The following PLEKHG6 variants were observed in gnomAD, a reference collection of about 807,000 sequenced individuals.
PLEKHG6 encodes pleckstrin homology domain-containing family G member 6.
A neutral mutation model predicts 97.5 loss-of-function variants in PLEKHG6; 91 were observed. That is an observed-to-expected ratio of 0.93 (90% confidence interval 0.79 to 1.11). The LOEUF (loss-of-function observed/expected upper bound fraction) is 1.11. Among genes scored for constraint, PLEKHG6 ranks in the 50% most tolerant of loss-of-function variants. The pLI is 0.00. For synonymous variants in PLEKHG6, 466 were observed against 425.5 expected (o/e 1.10, Z -1.17); for missense variants, 1,044 against 1,031.0 (o/e 1.01, Z -0.17).
chr12:6,311,907 C>G (rs1947282177), intron 1 of PLEKHG6, among the ~76,000 whole-genome samples: 1 of 152,056 alleles, frequency 6.6e-6, no homozygotes, highest in African/African-American at 2.4e-5. Flanking sequence ...AGCTTGTACC[C>G]CAAATATGCA....
chr12:6,320,236 AGGAGTC>A (rs1238124291), intron 13 of PLEKHG6, among the ~76,000 whole-genome samples: 1 of 152,176 alleles, frequency 6.6e-6, no homozygotes, highest in Non-Finnish European at 1.5e-5. Context: ...GGGCCAGTGA[AGGAGTC>A]GGGCAGGGGA....
intron 13 of PLEKHG6, among the ~76,000 whole-genome samples, chr12:6,325,880 A>T (rs947547352): frequency 2.6e-5 from 4 of 152,014 alleles, no homozygotes; most frequent in African/African-American, 9.7e-5. Flanking sequence ...GGTGCCACCA[A>T]ATCCCGGCAC....
chr12:6,327,279 C>T lies in PLEKHG6; in HGVS notation c.1696C>T (p.Pro566Ser), dbSNP rs200717763. 3.7e-6 allele frequency: 6 copies of T among 1,604,444 alleles called. No individual in the cohort carries two copies. The highest frequency in any genetic ancestry group is 5.1e-6 in the Non-Finnish European group (6 of 1,173,766). ...GRTPEFSTIIPHLVVTEDTDE... is the reference protein window; with the variant it reads ...GRTPEFSTIISHLVVTEDTDE... ...GACTCCTGAGTTCTCGACCATTATC[C>T]CCCACCTGGTGGTGACAGAAGACAC... is the stretch of plus-strand genomic sequence containing the variant. The change falls in exon 15 of 16, where the codon CCC becomes TCC. Residue 566 changes from proline to serine, a missense_variant. Physicochemically the swap from Pro to Ser is moderately conservative, Grantham distance 74 (BLOSUM62 -1). Transcript: ENST00000684764.
chr12:6,313,739 CG>C lies in PLEKHG6; in HGVS notation c.254del (p.Gly85AlafsTer24). 1 of 1,608,996 alleles carries C rather than the reference CG, an allele frequency of 6.2e-7. No homozygotes were observed. The highest frequency in any genetic ancestry group is 1.1e-5 in the South Asian group (1 of 90,490). The stretch of plus-strand genomic sequence containing the variant: ...GAGATCCAGAGCCCGAGAAGAGGCA[CG>C]GGGGCCATGTGGGGGCTGGCCTGCT... ...LRDPEPEKRHGGHVGAGLLHS... is the reference protein window; with the variant it reads ...LRDPEPEKRHXGHVGAGLLHS... On this transcript the variant is annotated frameshift_variant, in exon 3 of 16. Transcript: ENST00000684764. LOFTEE classifies it high-confidence loss of function.
At chr12:6,313,082 T>C (rs1947328577) in intron 2 of PLEKHG6, 10 of 1,530,180 alleles carry the variant, frequency 6.5e-6, no homozygotes, top group Non-Finnish European at 8.8e-6. Flanking sequence ...AGGCCTGCCC[T>C]GGGAGGAGCT....
chr12:6,318,973 A>G lies in PLEKHG6; in HGVS notation c.1409-20A>G, dbSNP rs1032078431. On this transcript the variant is annotated intron_variant, in intron 12 of 15. Coordinates refer to ENST00000684764, the MANE Select transcript of PLEKHG6 (RefSeq NM_001384598.1). ...GATCAAATAAAGGCTGGCCTCTTGA[A>G]GGTTGTCTCCTCCATCCAGACAGCT... The G allele has an allele frequency of 1.2e-6, 2 of 1,612,374 alleles. No homozygotes were observed. The highest frequency in any genetic ancestry group is 2.7e-5 in the African/African-American group (2 of 74,872).
Position 6,317,335 on chromosome 12 carries a change from C to T in PLEKHG6, c.789C>T (p.Tyr263=). Residue 263 remains tyrosine, a synonymous_variant, in exon 8 of 16, where the codon TAC becomes TAT. Transcript: ENST00000684764. ...FGQRFHPYVQ[Y]CLRVKQTMAY... ...AGCGGTTCCACCCCTATGTCCAGTA[C>T]TGCCTCCGAGTGAAGCAGACCATGG... 8 of 1,614,024 alleles carry T rather than the reference C, an allele frequency of 5.0e-6. 1 individual carries two copies. Among genetic ancestry groups the T allele is most frequent in the South Asian group, 2.2e-5 (2 of 91,090 alleles).
chr12:6,327,565 A>T lies in PLEKHG6; in HGVS notation c.1982A>T (p.Gln661Leu). 1.3e-6 allele frequency: 2 copies of T among 1,529,732 alleles called. No individual in the cohort carries two copies. Among genetic ancestry groups the T allele is most frequent in the Non-Finnish European group, 8.8e-7 (1 of 1,136,214 alleles). The allele number at this position is 1,529,732 out of a possible 1,614,324, so 94.8% of individuals were successfully genotyped here. ...EGILKGGSLPQEDPPTWSEEE... is the reference protein window; with the variant it reads ...EGILKGGSLPLEDPPTWSEEE... ...ATCCTAAAAGGAGGCAGTCTTCCCC[A>T]GGAAGACCCACCAACCTGGTCTGAG... is the stretch of plus-strand genomic sequence containing the variant. The change falls in exon 15 of 16, where the codon CAG (glutamine) becomes CTG (leucine). Residue 661 changes from glutamine (Q) to leucine (L), a missense_variant. Gln to Leu is a moderately radical substitution (Grantham distance 113). Transcript: ENST00000684764.
chr12:6,318,084 T>A, intron 10 of PLEKHG6, 90 bp downstream of exon 10: 1 of 1,446,490 alleles, frequency 6.9e-7, no homozygotes, highest in Non-Finnish European at 9.3e-7. Flanking sequence ...CACCCCGTAC[T>A]TGGGTGCTAC....
At position 6,315,764 on chromosome 12, in the gene PLEKHG6, G is replaced by A. The variant is rs1947434840; in HGVS notation, c.556-105G>A. The A allele has an allele frequency of 8.1e-7, 1 of 1,232,824 alleles. No individual in the cohort carries two copies. Among genetic ancestry groups the A allele is most frequent in the East Asian group, 2.6e-5 (1 of 38,644 alleles). The allele number at this position is 1,232,824 out of a possible 1,614,324, so 76.4% of individuals were successfully genotyped here. A position where few individuals can be genotyped will look rare whatever the true frequency, so the allele number is the denominator to read the frequency against. ...AGGGGCAGGATTTCAGGCCAGTCTG[G>A]GATGCAGGGAGATAGGTCAGCAGTA... On this transcript the variant is annotated intron_variant, in intron 5 of 15. Transcript: ENST00000684764. This position sits in a 1 kb window ranked among gnomAD's most constrained non-coding sequence, Gnocchi z 4.5.
rs746884369 is a variant in PLEKHG6 at position 6,312,295 on chromosome 12, T to C, written c.69T>C (p.Tyr23=). 5.8e-6 allele frequency: 9 copies of C among 1,564,878 alleles called. No homozygotes were observed. The Admixed American group carries it at 6.1e-5, about 11-fold the overall frequency. Residue 23 remains tyrosine, a synonymous_variant, in exon 2 of 16, where the codon TAT becomes TAC. Coordinates refer to ENST00000684764, the MANE Select transcript of PLEKHG6 (RefSeq NM_001384598.1). ...QGLVASRIET[Y]GGRHRASAQS... ...TCGTGGCCTCCCGCATTGAGACTTA[T>C]GGGGGCCGGCATCGAGCCTCTGCTC...
rs1189348170 is a variant in PLEKHG6, at chr12:6,320,780, G to A, written c.1524+1672G>A. On this transcript the variant is annotated intron_variant, in intron 13 of 15. Coordinates refer to ENST00000684764, the MANE Select transcript of PLEKHG6 (RefSeq NM_001384598.1). ...CCACCACAGGAACGGAATGGCCAAA[G>A]AGAAGTGAAGATTTGAGTTAGACTT... Among the ~76,000 whole-genome samples the A allele has an allele frequency of 9.8e-5, 15 of 152,328 alleles. No individual in the cohort carries two copies. The East Asian group carries it at 2.7e-3, about 27-fold the overall frequency.
Position 6,319,036 on chromosome 12 carries a change from C to T in PLEKHG6, c.1452C>T (p.Ser484=). 6.2e-7 allele frequency: 1 copy of T among 1,614,072 alleles called. No homozygotes were observed. Among genetic ancestry groups the T allele is most frequent in the Non-Finnish European group, 8.5e-7 (1 of 1,179,966 alleles). The change falls in exon 13 of 16, where the codon TCC becomes TCT. Residue 484 remains serine, a synonymous_variant. Transcript: ENST00000684764. The part of the protein sequence containing the change: ...LIHLTEFQCV[S]SALLVHCPSP... ...ACCTCACTGAATTCCAGTGTGTCTC[C>T]AGCGCCCTCCTTGTGCACTGTCCCA... is the stretch of plus-strand genomic sequence containing the variant.
chr12:6,312,101 G>C (rs78697951), intron 1 of PLEKHG6, 58 bp from the exon 2 acceptor site: 6 of 698,438 alleles, frequency 8.6e-6, no homozygotes, highest in Admixed American at 3.6e-5. Flanking sequence ...TTGGTCTCCC[G>C]CCTGGTGCCA....
Position 6,315,838 on chromosome 12 carries a change from G to A in PLEKHG6, c.556-31G>A. 2 of 1,545,048 alleles carry A rather than the reference G, an allele frequency of 1.3e-6. No homozygotes were observed. The highest frequency in any genetic ancestry group is 1.8e-6 in the Non-Finnish European group (2 of 1,142,346). On this transcript the variant is annotated intron_variant, in intron 5 of 15. Transcript: ENST00000684764. This position sits in a 1 kb window ranked among gnomAD's most constrained non-coding sequence, Gnocchi z 4.5. ...GTGACGACACTGAAGGGCTGCGCTG[G>A]GTCCTGAGACCCTCGTCTCCCTCCC...
intron 1 of PLEKHG6, among the ~76,000 whole-genome samples, chr12:6,311,877 C>T (rs1481045795): frequency 2.6e-5 from 4 of 152,152 alleles, no homozygotes; most frequent in South Asian, 2.1e-4. Context: ...ACCCTTGTTC[C>T]CATTTGAGAC....
Position 6,312,965 on chromosome 12 carries a change from C to T in PLEKHG6, c.138+601C>T, listed in dbSNP as rs191418921. On this transcript the variant is annotated intron_variant, in intron 2 of 15. Coordinates refer to ENST00000684764, the MANE Select transcript of PLEKHG6 (RefSeq NM_001384598.1). Reference sequence around the variant, plus strand: ...CTGGGACATCCCCTGCCTCAATGCACGATAATTTTGCCTTTGGAGATGGGA... The same window carrying T: ...CTGGGACATCCCCTGCCTCAATGCATGATAATTTTGCCTTTGGAGATGGGA... 289 of 1,428,320 alleles carry T rather than the reference C, an allele frequency of 2.0e-4. No homozygotes were observed. The African/African-American group carries it at 3.7e-3, about 18-fold the overall frequency. 88.5% of individuals were successfully genotyped at this position (1,428,320 alleles called of 1,614,324 possible).
rs1555105543 is a variant in PLEKHG6 at position 6,324,299 on chromosome 12, C to CTG, written c.1525-2129_1525-2128insTG. Among the ~76,000 whole-genome samples the CTG allele has an allele frequency of 2.0e-5, 3 of 147,518 alleles. No homozygotes were observed. In the South Asian group the frequency reaches 6.6e-4, roughly 32 times the overall value. ...GGCTCCCCCTCGCCCCCCTCCCCCCCCCGCCGCCTCCTCCAGCCTCTTCCT... is the reference window on the plus strand; with the variant it reads ...GGCTCCCCCTCGCCCCCCTCCCCCCCTGCCGCCGCCTCCTCCAGCCTCTTCCT... On this transcript the variant is annotated intron_variant, in intron 13 of 15. Coordinates refer to ENST00000684764, the MANE Select transcript of PLEKHG6 (RefSeq NM_001384598.1).
In PLEKHG6 at chr12:6,315,168, A is replaced by G; in HGVS notation, c.458A>G (p.Lys153Arg). 6.2e-7 allele frequency: 1 copy of G among 1,610,086 alleles called. No homozygotes were observed. Among genetic ancestry groups the G allele is most frequent in the East Asian group, 2.2e-5 (1 of 44,848 alleles). The part of the protein sequence containing the change: ...KSWRELVPGH[K>R]EMSQELCHQQ... ...TGGAGGGAGCTGGTGCCTGGGCACA[A>G]GGTGAGCCTGAAACTCACAAGGTGA... Residue 153 changes from lysine (K) to arginine (R), a missense_variant and splice_region_variant, in exon 4 of 16, where the codon AAG becomes AGG. By Grantham distance (26) the Lys-to-Arg change is conservative (BLOSUM62 2). Transcript: ENST00000684764. The surrounding 1 kb of genome is among the most constrained non-coding windows in gnomAD (Gnocchi z 4.5).
Sources: gnomAD v4.1 joint callset for allele counts (sites outside exome capture counted in the v4.1 genomes callset) on GRCh38, gnomAD v4.1.1 for gene constraint, Gnocchi (gnomAD v3.1) non-coding constraint, MANE v1.5 for transcripts, NCBI Gene and HGNC (gene_info 2026-07-23, HGNC 2026-07-21) for gene names.